The following OPHN1 variants were observed in gnomAD, a reference collection of about 807,000 sequenced individuals.
The protein encoded by OPHN1 is oligophrenin 1, also known as oligophrenin-1.
A neutral mutation model predicts 60.7 loss-of-function variants in OPHN1; 11 were observed. The observed-to-expected ratio is 0.18, with a 90% CI of 0.11 to 0.30. The LOEUF is 0.30. OPHN1 is among the 10% of genes least tolerant of loss of function. The pLI is 1.00. For synonymous variants in OPHN1, 226 were observed against 222.6 expected (o/e 1.02, Z -0.14); for missense variants, 449 against 611.0 (o/e 0.73, Z 2.80).
Position 68,283,084 on chromosome X carries a change from T to C in OPHN1, c.284A>G (p.Asn95Ser). ...CATCATCCTCTCATTTTCTACCTCG[T>C]TGAGCAATTCAGCAAATTCCTTGAA... ...ESFKEFAELL[N>S]EVENERMMMV... is the part of the protein sequence containing the mutation. Residue 95 changes from asparagine (N) to serine (S), a missense_variant, in exon 4 of 25, where the codon AAC becomes AGC. Asn to Ser is a conservative substitution (Grantham distance 46). Around this residue, in one of 4 missense-constraint regions of OPHN1, gnomAD observed 99 missense variants for 155.2 expected, o/e 0.64. Coordinates refer to ENST00000355520, the MANE Select transcript of OPHN1 (RefSeq NM_002547.3). 8.3e-7 allele frequency: 1 copy of C among 1,208,641 alleles called. No individual in the cohort carries two copies. The highest frequency in any genetic ancestry group is 1.1e-6 in the Non-Finnish European group (1 of 892,766).
intron 15 of OPHN1, among the ~76,000 whole-genome samples, chrX:68,163,343 T>G (rs977443200): frequency 3.6e-5 from 4 of 110,767 alleles, no homozygotes; most frequent in African/African-American, 1.3e-4. Context: ...TTCTTTCTCT[T>G]TTGGGCTAAT....
chrX:68,369,332 A>G (rs950851789), intron 2 of OPHN1, among the ~76,000 whole-genome samples: 48 of 111,734 alleles, frequency 4.3e-4, no homozygotes, highest in African/African-American at 1.5e-3. Flanking sequence ...ACAAAACAAC[A>G]ACAACAACCA....
chrX:68,413,478 T>C (rs2078778808), intron 2 of OPHN1, among the ~76,000 whole-genome samples: 1 of 111,724 alleles, frequency 9.0e-6, no homozygotes, highest in East Asian at 2.8e-4. Flanking sequence ...GCCAACACCA[T>C]CTGCCTATAA....
At chrX:68,102,544 T>TA (rs777768372) in intron 18 of OPHN1, among the ~76,000 whole-genome samples, 5 of 109,466 alleles carry the variant, frequency 4.6e-5, no homozygotes, top group Non-Finnish European at 9.5e-5. Context: ...CTGAAAAAGA[T>TA]AGAGACACAA....
intron 19 of OPHN1, among the ~76,000 whole-genome samples, chrX:68,085,283 G>T (rs754046387): frequency 2.1e-3 from 233 of 111,949 alleles, no homozygotes; most frequent in African/African-American, 7.4e-3. Flanking sequence ...TCATGGAATT[G>T]CTCTTCCCAA....
At chrX:68,247,476 G>A (rs953045317) in intron 5 of OPHN1, among the ~76,000 whole-genome samples, 1 of 111,400 alleles carries the variant, frequency 9.0e-6, no homozygotes, top group Non-Finnish European at 1.9e-5. Context: ...CAGAGGACAG[G>A]CCATTACAAC....
At chrX:68,158,970 G>C (rs1218998253) in intron 15 of OPHN1, among the ~76,000 whole-genome samples, 4 of 111,579 alleles carry the variant, frequency 3.6e-5, no homozygotes, top group Non-Finnish European at 5.6e-5. Context: ...GGGAAGCCAA[G>C]AAGACCACGG....
At chrX:68,132,739 CAAAA>C in intron 15 of OPHN1, 6 of 101,917 alleles carry the variant, frequency 5.9e-5, no homozygotes, top group Non-Finnish European at 9.2e-5. Flanking sequence ...TACTAAGTGT[CAAAA>C]AAAAAAAAAA....
At chrX:68,391,304 G>C (rs182879420) in intron 2 of OPHN1, among the ~76,000 whole-genome samples, 1 of 111,784 alleles carries the variant, frequency 8.9e-6, no homozygotes, top group African/African-American at 3.2e-5. Flanking sequence ...AGTCTGGGCA[G>C]TTGCACTATG....
rs189346190 is a variant in OPHN1, at chrX:68,404,148, T to C, written c.154+28719A>G. 2.3e-3 allele frequency among the ~76,000 whole-genome samples: 247 copies of C among 109,595 alleles called. 1 individual carries two copies. The highest frequency in any genetic ancestry group is 0.014 in the Middle Eastern group (3 of 214). On this transcript the variant is annotated intron_variant, in intron 2 of 24. Coordinates refer to ENST00000355520, the MANE Select transcript of OPHN1 (RefSeq NM_002547.3). Reference sequence around the variant, plus strand: ...GGTGCAGCCATTATGGAAAACAGTATGGTGGTTCCTAAAAACTTTTTTTTT... The same window carrying C: ...GGTGCAGCCATTATGGAAAACAGTACGGTGGTTCCTAAAAACTTTTTTTTT...
chrX:68,320,379 T>G (rs1180957374), intron 2 of OPHN1, among the ~76,000 whole-genome samples: 2 of 110,924 alleles, frequency 1.8e-5, no homozygotes, highest in Non-Finnish European at 3.8e-5. Context: ...AAAGAGATAT[T>G]GAGATATTAC....
rs147066977 is a variant in OPHN1 at position 68,188,042 on chromosome X, C to G, written c.1276+4877G>C. 5.0e-3 allele frequency among the ~76,000 whole-genome samples: 557 copies of G among 112,126 alleles called. 5 individuals carry two copies. The highest frequency in any genetic ancestry group is 0.017 in the African/African-American group (527 of 30,945). ...CATGGTGACATAGCTGAAAGACTCT[C>G]CCCAAGTCAGAAACCCTGCAGCAGG... On this transcript the variant is annotated intron_variant, in intron 15 of 24. Transcript: ENST00000355520.
At chrX:68,089,422 T>C (rs779963485) in intron 19 of OPHN1, among the ~76,000 whole-genome samples, 1 of 111,776 alleles carries the variant, frequency 8.9e-6, no homozygotes, top group Non-Finnish European at 1.9e-5. Context: ...AGATATTTGA[T>C]TTTGATAGTC....
chrX:68,317,025 A>T (rs2078202653), intron 2 of OPHN1, among the ~76,000 whole-genome samples: 1 of 110,600 alleles, frequency 9.0e-6, no homozygotes, highest in East Asian at 2.8e-4. Flanking sequence ...CAGGCTGGGC[A>T]CGGTGGCACA....
intron 12 of OPHN1, among the ~76,000 whole-genome samples, chrX:68,195,547 T>G (rs2077509480): frequency 8.9e-6 from 1 of 111,986 alleles, no homozygotes; most frequent in Admixed American, 9.5e-5. Context: ...GGAGTAGACA[T>G]TCCTTCAAGC....
chrX:68,414,211 A>G (rs1351630865), intron 2 of OPHN1, among the ~76,000 whole-genome samples: 1 of 111,745 alleles, frequency 8.9e-6, no homozygotes. Flanking sequence ...CAAGAGCACT[A>G]TAAATAACAA....
intron 5 of OPHN1, among the ~76,000 whole-genome samples, chrX:68,273,570 C>T (rs2077979146): frequency 8.9e-6 from 1 of 112,101 alleles, no homozygotes; most frequent in Non-Finnish European, 1.9e-5. Context: ...CTGCACTGTC[C>T]AACACAGTAG....
intron 15 of OPHN1, among the ~76,000 whole-genome samples, chrX:68,131,857 T>C (rs1367001332): frequency 1.8e-5 from 2 of 112,357 alleles, no homozygotes; most frequent in Admixed American, 1.9e-4. Flanking sequence ...GTAAGTTCCA[T>C]AAAGTTGACA....
At chrX:68,104,204 T>A (rs746744268) in intron 18 of OPHN1, among the ~76,000 whole-genome samples, 3 of 111,638 alleles carry the variant, frequency 2.7e-5, no homozygotes, top group Non-Finnish European at 5.7e-5. Context: ...GCTCATGGAT[T>A]GGAAGAATCA....
Sources: gnomAD v4.1 joint callset for allele counts (sites outside exome capture counted in the v4.1 genomes callset) on GRCh38, gnomAD v4.1.1 for gene constraint, gnomAD v4.1.1 regional missense constraint, MANE v1.5 for transcripts, NCBI Gene and HGNC (gene_info 2026-07-23, HGNC 2026-07-21) for gene names.